ARHGAP18: variants seen among roughly 807,000 people sequenced by gnomAD.
The protein encoded by ARHGAP18 is Rho GTPase activating protein 18, also known as rho GTPase-activating protein 18.
ARHGAP18 carries 67 observed loss-of-function variants against 86.2 expected under a neutral mutation model. The observed-to-expected ratio is 0.78, with a 90% CI of 0.64 to 0.95. The LOEUF (loss-of-function observed/expected upper bound fraction) is 0.95, where lower values mean the gene tolerates loss of function less well. Ranked by LOEUF, ARHGAP18 falls within the 40% of genes least tolerant of loss-of-function variation. ARHGAP18 has a pLI of 0.00. For synonymous variants in ARHGAP18, 283 were observed against 280.4 expected, an observed-to-expected ratio of 1.01 and a Z score of -0.09; for missense variants, 691 against 780.4, an observed-to-expected ratio of 0.89 and a Z score of 1.37.
chr6:129,595,784 A>T (rs1788604902), intron 12 of ARHGAP18, among the ~76,000 whole-genome samples: 1 of 152,176 alleles, frequency 6.6e-6, no homozygotes, highest in Non-Finnish European at 1.5e-5. Flanking sequence ...CCCCACTTAA[A>T]TGTCCAATAG....
chr6:129,686,978 C>CTTTTTTTTTTTTT (rs71028176), intron 1 of ARHGAP18, among the ~76,000 whole-genome samples: 79 of 106,912 alleles, frequency 7.4e-4, no homozygotes, highest in East Asian at 1.0e-3. Flanking sequence ...TTTTTTTTTT[C>CTTTTTTTTTTTTT]TTTTTTTTTT....
chr6:129,617,488 C>A (rs1179442309), intron 6 of ARHGAP18, among the ~76,000 whole-genome samples: 1 of 151,978 alleles, frequency 6.6e-6, no homozygotes, highest in Non-Finnish European at 1.5e-5. Flanking sequence ...CTCAAGGATG[C>A]CAAGGGTCTA....
intron 4 of ARHGAP18, among the ~76,000 whole-genome samples, chr6:129,629,772 AC>A (rs1773158763): frequency 6.6e-6 from 1 of 152,140 alleles, no homozygotes; most frequent in Non-Finnish European, 1.5e-5. Context: ...CAATCCTCAA[AC>A]TGGGTTCCAA....
chr6:129,580,205 G>A, intron 13 of ARHGAP18, 74 bp from the exon 14 acceptor site: 2 of 1,314,864 alleles, frequency 1.5e-6, no homozygotes, highest in South Asian at 1.2e-5. Flanking sequence ...ACGTGCTTGG[G>A]GAATTCTGGC....
chr6:129,643,211 G>A (rs533717864), intron 1 of ARHGAP18, among the ~76,000 whole-genome samples: 7 of 152,082 alleles, frequency 4.6e-5, no homozygotes, highest in African/African-American at 1.4e-4. Flanking sequence ...CTTTATATAC[G>A]GTTGATATGG....
chr6:129,690,518 T>C (rs916829311), intron 1 of ARHGAP18, among the ~76,000 whole-genome samples: 6 of 152,172 alleles, frequency 3.9e-5, no homozygotes, highest in African/African-American at 1.4e-4. Flanking sequence ...TACTCACAAG[T>C]ACAATTTTAG....
chr6:129,640,054 AAAAAAAAAAAC>A (rs1253615593), intron 2 of ARHGAP18, among the ~76,000 whole-genome samples: 3 of 151,210 alleles, frequency 2.0e-5, no homozygotes, highest in Non-Finnish European at 4.4e-5. Flanking sequence ...AAAAAAAAAA[AAAAAAAAAAAC>A]AAACAAAAGT....
Position 129,608,062 on chromosome 6 carries a change from A to AC in ARHGAP18, c.1123-11dup. On this transcript the variant is annotated splice_polypyrimidine_tract_variant and intron_variant, in intron 8 of 14. Coordinates refer to ENST00000368149, the MANE Select transcript of ARHGAP18 (RefSeq NM_033515.3). ...GTTCTTGGCAAAGATTCTGATAGGC[A>AC]CGAAAAAAAAAAAAAAAAAAAAAAG... The AC allele has an allele frequency of 9.8e-7, 1 of 1,025,360 alleles. No homozygotes were observed. The allele number at this position is 1,025,360 out of a possible 1,614,324, so 63.5% of individuals were successfully genotyped here. A position where few individuals can be genotyped will look rare whatever the true frequency, so the allele number is the denominator to read the frequency against.
At chr6:129,704,211 G>A (rs962774631) in intron 1 of ARHGAP18, among the ~76,000 whole-genome samples, 2 of 152,072 alleles carry the variant, frequency 1.3e-5, no homozygotes, top group Non-Finnish European at 2.9e-5. Context: ...CTGGGAGGGC[G>A]AGGCAGGCGG....
At position 129,589,245 on chromosome 6, in the gene ARHGAP18, A is replaced by G. The variant is rs145524068; in HGVS notation, c.1714-5133T>C. Among the ~76,000 whole-genome samples, 10 of 152,286 alleles carry G rather than the reference A, an allele frequency of 6.6e-5. No individual in the cohort carries two copies. The East Asian group carries it at 1.9e-3, about 29-fold the overall frequency. ...ACATTGTCAGGCTGCAAATTTTCCA[A>G]ACTTTTATGTTCTGCTTCCCCTTCA... is the stretch of plus-strand genomic sequence containing the variant. On this transcript the variant is annotated intron_variant, in intron 12 of 14. Coordinates refer to ENST00000368149, the MANE Select transcript of ARHGAP18 (RefSeq NM_033515.3).
intron 1 of ARHGAP18, among the ~76,000 whole-genome samples, chr6:129,693,080 G>A (rs937605668): frequency 1.3e-5 from 2 of 152,112 alleles, no homozygotes; most frequent in African/African-American, 4.8e-5. Flanking sequence ...ATATATAAAT[G>A]GCTTTACTAC....
chr6:129,699,364 C>T (rs1774674963), intron 1 of ARHGAP18, among the ~76,000 whole-genome samples: 1 of 152,088 alleles, frequency 6.6e-6, no homozygotes, highest in East Asian at 1.9e-4. Flanking sequence ...GGACATTGTA[C>T]TAAAGTAAGA....
intron 13 of ARHGAP18, among the ~76,000 whole-genome samples, chr6:129,582,561 A>T (rs977483313): frequency 6.6e-6 from 1 of 152,276 alleles, no homozygotes; most frequent in East Asian, 1.9e-4. Context: ...AGCAGAGAGG[A>T]TGTGGATTGA....
Position 129,672,762 on chromosome 6 carries a change from A to G in ARHGAP18, c.114-30744T>C, listed in dbSNP as rs1468859728. ...TGTCTTTGTTCATGCTCTATGGCTAAGAAGAATGCCCTCTTTCTCAAAAAA... is the reference window on the plus strand; with the variant it reads ...TGTCTTTGTTCATGCTCTATGGCTAGGAAGAATGCCCTCTTTCTCAAAAAA... On this transcript the variant is annotated intron_variant, in intron 1 of 14. Coordinates refer to ENST00000368149, the MANE Select transcript of ARHGAP18 (RefSeq NM_033515.3). Among the ~76,000 whole-genome samples, 7 of 152,242 alleles carry G rather than the reference A, an allele frequency of 4.6e-5. No homozygotes were observed. The East Asian group carries it at 1.3e-3, about 29-fold the overall frequency.
intron 1 of ARHGAP18, among the ~76,000 whole-genome samples, chr6:129,670,688 CTTTTT>C (rs11350669): frequency 1.0e-4 from 14 of 138,016 alleles, no homozygotes; most frequent in African/African-American, 3.0e-4. Flanking sequence ...AGTCGTAACT[CTTTTT>C]TTTTTTTTTT....
chr6:129,647,666 T>C (rs1243115018), intron 1 of ARHGAP18, among the ~76,000 whole-genome samples: 1 of 150,818 alleles, frequency 6.6e-6, no homozygotes, highest in Non-Finnish European at 1.5e-5. Flanking sequence ...CGTTCTGTTT[T>C]AATGTGTAAA....
At chr6:129,699,807 T>C (rs1774681978) in intron 1 of ARHGAP18, among the ~76,000 whole-genome samples, 1 of 152,196 alleles carries the variant, frequency 6.6e-6, no homozygotes, top group Admixed American at 6.5e-5. Flanking sequence ...AGCCTGCTTT[T>C]ATGAGCCTTT....
intron 12 of ARHGAP18, among the ~76,000 whole-genome samples, chr6:129,597,160 T>G (rs1286108172): frequency 2.0e-5 from 3 of 151,992 alleles, no homozygotes; most frequent in African/African-American, 7.3e-5. Context: ...TTTTTTTTTT[T>G]TTTGAGATGA....
intron 1 of ARHGAP18, among the ~76,000 whole-genome samples, chr6:129,663,105 G>A (rs940235225): frequency 2.6e-5 from 4 of 152,108 alleles, no homozygotes; most frequent in Non-Finnish European, 5.9e-5. Context: ...ATGCAACCCA[G>A]GCCATGTGGC....
Sources: gnomAD v4.1 joint callset for allele counts (sites outside exome capture counted in the v4.1 genomes callset) on GRCh38, gnomAD v4.1.1 for gene constraint, MANE v1.5 for transcripts, NCBI Gene and HGNC (gene_info 2026-07-23, HGNC 2026-07-21) for gene names.